The following AGBL1 variants were observed in gnomAD, a reference collection of about 807,000 sequenced individuals.
AGBL1 encodes AGBL carboxypeptidase 1, also known as cytosolic carboxypeptidase 4.
In AGBL1, 130 loss-of-function variants were observed where a neutral mutation model predicts 118.9. The observed-to-expected ratio is 1.09, with a 90% CI of 0.95 to 1.26. The LOEUF (loss-of-function observed/expected upper bound fraction) is 1.26, where lower values mean the gene tolerates loss of function less well. AGBL1 is among the 50% of genes most tolerant of loss of function. AGBL1 has a pLI of 0.00. For missense variants in AGBL1, 1,584 were observed against 1,298.1 expected, an observed-to-expected ratio of 1.22 and a Z score of -3.38; for synonymous variants, 555 against 478.9, an observed-to-expected ratio of 1.16 and a Z score of -2.08.
At chr15:86,156,170 C>A (rs2077187215) in intron 4 of AGBL1, among the ~76,000 whole-genome samples, 2 of 152,178 alleles carry the variant, frequency 1.3e-5, no homozygotes, top group African/African-American at 4.8e-5. Context: ...ATCTGCCCAT[C>A]TTGGCCTCCC....
intron 22 of AGBL1, among the ~76,000 whole-genome samples, chr15:86,872,371 G>A (rs1192470843): frequency 1.3e-5 from 2 of 152,152 alleles, no homozygotes; most frequent in East Asian, 3.9e-4. Flanking sequence ...CTTAGACCAA[G>A]TTTTCCTCCT....
At chr15:86,301,467 A>G (rs1766735096) in intron 17 of AGBL1, among the ~76,000 whole-genome samples, 2 of 151,772 alleles carry the variant, frequency 1.3e-5, no homozygotes, top group Admixed American at 6.6e-5. Context: ...TAACTACAAG[A>G]GCATAATGAG....
intron 21 of AGBL1, among the ~76,000 whole-genome samples, chr15:86,560,009 G>A (rs2083791612): frequency 1.3e-5 from 2 of 152,130 alleles, no homozygotes; most frequent in Non-Finnish European, 2.9e-5. Context: ...AAAGATAGGT[G>A]TGGTTTCTGC....
intron 22 of AGBL1, among the ~76,000 whole-genome samples, chr15:86,892,635 C>A (rs987283195): frequency 3.9e-5 from 6 of 152,182 alleles, no homozygotes; most frequent in Admixed American, 2.6e-4. Flanking sequence ...TAAGAGAGAA[C>A]AATGGCCAAG....
At chr15:86,503,329 CT>C (rs1032086104) in intron 18 of AGBL1, among the ~76,000 whole-genome samples, 2 of 151,140 alleles carry the variant, frequency 1.3e-5, no homozygotes, top group African/African-American at 2.4e-5. Flanking sequence ...TCTTTTCTTC[CT>C]TTTTTTCCTT....
chr15:86,413,484 T>C (rs1220056428), intron 18 of AGBL1, among the ~76,000 whole-genome samples: 2 of 152,198 alleles, frequency 1.3e-5, no homozygotes, highest in East Asian at 3.8e-4. Flanking sequence ...TTTACATTCC[T>C]ATCAACAGTC....
chr15:86,846,355 C>G (rs2079318106), intron 22 of AGBL1, among the ~76,000 whole-genome samples: 1 of 152,082 alleles, frequency 6.6e-6, no homozygotes, highest in Non-Finnish European at 1.5e-5. Context: ...GCTATTGTTT[C>G]TGATAAGAAG....
intron 1 of AGBL1, among the ~76,000 whole-genome samples, chr15:86,097,363 T>G (rs1209949138): frequency 6.6e-6 from 1 of 152,156 alleles, no homozygotes; most frequent in East Asian, 1.9e-4. Flanking sequence ...TACAATACAT[T>G]GTTGTTAACT....
At chr15:86,472,950 C>T (rs1196470048) in intron 18 of AGBL1, among the ~76,000 whole-genome samples, 1 of 152,010 alleles carries the variant, frequency 6.6e-6, no homozygotes, top group African/African-American at 2.4e-5. Flanking sequence ...ATAAAATAAC[C>T]CATTAGCCCA....
At chr15:86,525,335 C>A (rs959642433) in intron 19 of AGBL1, among the ~76,000 whole-genome samples, 3 of 152,082 alleles carry the variant, frequency 2.0e-5, no homozygotes, top group African/African-American at 7.2e-5. Context: ...AAGTGATCTA[C>A]AGATTTAATG....
At chr15:86,282,790 T>C (rs1253693945) in intron 16 of AGBL1, among the ~76,000 whole-genome samples, 2 of 152,336 alleles carry the variant, frequency 1.3e-5, no homozygotes, top group South Asian at 2.1e-4. Flanking sequence ...ATTAACTGTA[T>C]GTTACTTGGG....
chr15:86,207,301 T>G (rs1041071666), intron 5 of AGBL1, among the ~76,000 whole-genome samples: 1 of 152,212 alleles, frequency 6.6e-6, no homozygotes, highest in East Asian at 1.9e-4. Context: ...AGGCTCTTTT[T>G]CGGTTCCATA....
At chr15:86,110,924 C>T (rs1014293097) in intron 1 of AGBL1, among the ~76,000 whole-genome samples, 12 of 152,212 alleles carry the variant, frequency 7.9e-5, no homozygotes, top group Non-Finnish European at 1.5e-4. Flanking sequence ...CCCGAGTTTT[C>T]CCAATACAGC....
At chr15:86,766,915 C>T (rs1271685827) in intron 22 of AGBL1, among the ~76,000 whole-genome samples, 1 of 151,776 alleles carries the variant, frequency 6.6e-6, no homozygotes, top group Non-Finnish European at 1.5e-5. Context: ...GACGCCATTT[C>T]TAAAAATCTG....
chr15:86,268,114 C>T (rs1269350965), intron 13 of AGBL1, among the ~76,000 whole-genome samples: 1 of 152,220 alleles, frequency 6.6e-6, no homozygotes, highest in Admixed American at 6.5e-5. Flanking sequence ...GATGCATATT[C>T]GCCATTGTTG....
In AGBL1 at chr15:86,614,439, G is replaced by A. The variant is rs564860659; in HGVS notation, c.2995-59834G>A. Among the ~76,000 whole-genome samples the A allele has an allele frequency of 3.9e-5, 6 of 152,200 alleles. No individual in the cohort carries two copies. The East Asian group carries it at 1.2e-3, about 29-fold the overall frequency. On this transcript the variant is annotated intron_variant, in intron 21 of 22. Coordinates refer to ENST00000614907, the MANE Select transcript of AGBL1 (RefSeq NM_001386094.1). ...CTTTTATAAATTATTTTCTTATTTA[G>A]CATTTGTGTGGTCTGCTTTTCTTTC...
intron 22 of AGBL1, among the ~76,000 whole-genome samples, chr15:86,885,556 C>T (rs960456524): frequency 6.6e-6 from 1 of 152,140 alleles, no homozygotes; most frequent in African/African-American, 2.4e-5. Flanking sequence ...ATTTCACTTA[C>T]ACAGTGATTT....
At chr15:86,382,137 C>T (rs1460731242) in intron 17 of AGBL1, among the ~76,000 whole-genome samples, 1 of 151,904 alleles carries the variant, frequency 6.6e-6, no homozygotes, top group Non-Finnish European at 1.5e-5. Flanking sequence ...ACCTTCCCCA[C>T]ATCAGTCCCA....
chr15:86,129,301 A>T (rs774738380), intron 1 of AGBL1, among the ~76,000 whole-genome samples: 2 of 152,180 alleles, frequency 1.3e-5, no homozygotes, highest in Non-Finnish European at 2.9e-5. Flanking sequence ...GTGTATAGGA[A>T]TCTGACTGGT....
Sources: gnomAD v4.1 joint callset for allele counts (sites outside exome capture counted in the v4.1 genomes callset) on GRCh38, gnomAD v4.1.1 for gene constraint, MANE v1.5 for transcripts, NCBI Gene and HGNC (gene_info 2026-07-23, HGNC 2026-07-21) for gene names.